The following ROR1 variants were observed in gnomAD, a reference collection of about 807,000 sequenced individuals.
ROR1 encodes the protein inactive tyrosine-protein kinase transmembrane receptor ROR1.
ROR1 carries 19 observed loss-of-function variants against 78.8 expected under a neutral mutation model. The ratio of observed to expected loss-of-function variants is 0.24; its 90% CI spans 0.17 to 0.35. The LOEUF is 0.35. Among genes scored for constraint, ROR1 ranks in the 10% least tolerant of loss-of-function variants. ROR1 has a pLI of 1.00. For synonymous variants in ROR1, 386 were observed against 433.6 expected (o/e 0.89, Z 1.36); for missense variants, 917 against 1,177.8 (o/e 0.78, Z 3.24).
At chr1:64,062,204 C>CAA (rs1646922916) in intron 4 of ROR1, among the ~76,000 whole-genome samples, 4 of 152,204 alleles carry the variant, frequency 2.6e-5, no homozygotes, top group African/African-American at 9.7e-5. Flanking sequence ...TGTTGGGTGA[C>CAA]TGCCTGTGTT....
chr1:63,841,474 A>G (rs1645049007), intron 1 of ROR1, among the ~76,000 whole-genome samples: 1 of 152,190 alleles, frequency 6.6e-6, no homozygotes, highest in African/African-American at 2.4e-5. Flanking sequence ...AAAACCAACA[A>G]TATTGCTTTT....
At chr1:63,788,899 G>T in intron 1 of ROR1, 3 of 880,890 alleles carry the variant, frequency 3.4e-6, no homozygotes, top group Non-Finnish European at 5.5e-6. Flanking sequence ...CATGAGAATC[G>T]CTTGTTTTTG....
intron 1 of ROR1, among the ~76,000 whole-genome samples, chr1:63,949,949 C>CAAG (rs1262426580): frequency 6.6e-6 from 1 of 152,102 alleles, no homozygotes; most frequent in Non-Finnish European, 1.5e-5. Flanking sequence ...GTCCAGTTGT[C>CAAG]TTGACCTTCG....
At chr1:63,834,373 G>C (rs1645007401) in intron 1 of ROR1, among the ~76,000 whole-genome samples, 1 of 152,072 alleles carries the variant, frequency 6.6e-6, no homozygotes, top group Non-Finnish European at 1.5e-5. Context: ...GGATGTATAA[G>C]ATTCCAGGTT....
intron 7 of ROR1, among the ~76,000 whole-genome samples, chr1:64,156,730 G>A (rs1355555838): frequency 2.0e-5 from 3 of 151,068 alleles, no homozygotes; most frequent in African/African-American, 4.9e-5. Context: ...AAAAAAAGCA[G>A]GGATTTCAAA....
chr1:63,829,395 T>G (rs1462993472), intron 1 of ROR1, among the ~76,000 whole-genome samples: 1 of 152,258 alleles, frequency 6.6e-6, no homozygotes, highest in East Asian at 1.9e-4. Context: ...ATAGGGATAG[T>G]GTGATAGGGA....
intron 4 of ROR1, among the ~76,000 whole-genome samples, chr1:64,064,716 G>C (rs950598372): frequency 3.9e-5 from 6 of 152,146 alleles, no homozygotes; most frequent in Admixed American, 3.3e-4. Context: ...GTGGAACTGA[G>C]GCCTGGAGCA....
intron 7 of ROR1, among the ~76,000 whole-genome samples, chr1:64,145,127 A>C (rs559023477): frequency 6.6e-6 from 1 of 152,304 alleles, no homozygotes; most frequent in South Asian, 2.1e-4. Context: ...CATAGTCAAC[A>C]TATGTAAATA....
chr1:64,121,038 A>G (rs1390759929), intron 4 of ROR1, among the ~76,000 whole-genome samples: 2 of 109,706 alleles, frequency 1.8e-5, no homozygotes, highest in Admixed American at 1.1e-4. Flanking sequence ...TCATGGCCAC[A>G]CTCCAGTCAG....
At chr1:63,863,753 ATT>A (rs1645196975) in intron 1 of ROR1, among the ~76,000 whole-genome samples, 1 of 147,708 alleles carries the variant, frequency 6.8e-6, no homozygotes. Context: ...ATTGTATTGT[ATT>A]GTATTGTATT....
intron 1 of ROR1, among the ~76,000 whole-genome samples, chr1:63,991,465 CTTAGTTTGCCTGT>C (rs1196323214): frequency 6.6e-6 from 1 of 152,208 alleles, no homozygotes; most frequent in Non-Finnish European, 1.5e-5. Context: ...GTGGTCCCTT[CTTAGTTTGCCTGT>C]TTGCCATATA....
intron 1 of ROR1, among the ~76,000 whole-genome samples, chr1:63,800,605 A>G (rs1389566750): frequency 1.3e-5 from 2 of 152,178 alleles, no homozygotes; most frequent in Non-Finnish European, 2.9e-5. Context: ...CAATGATTGG[A>G]TGTGCTGCAG....
intron 1 of ROR1, among the ~76,000 whole-genome samples, chr1:63,888,777 G>C (rs1419387194): frequency 6.6e-6 from 1 of 151,998 alleles, no homozygotes; most frequent in Non-Finnish European, 1.5e-5. Flanking sequence ...AATTTTTATA[G>C]CTATCATTTG....
intron 1 of ROR1, chr1:63,789,059 C>T (rs1378636513): frequency 1.1e-5 from 7 of 623,810 alleles, no homozygotes; most frequent in Non-Finnish European, 2.2e-5. Context: ...TGGTTGTACC[C>T]TTTCGCTTAC....
chr1:64,125,655 C>G (rs1362101745), intron 4 of ROR1, among the ~76,000 whole-genome samples: 1 of 152,042 alleles, frequency 6.6e-6, no homozygotes, highest in African/African-American at 2.4e-5. Context: ...CCCGCCAGCC[C>G]CGAAACTAAA....
At chr1:63,908,343 C>T (rs994135968) in intron 1 of ROR1, among the ~76,000 whole-genome samples, 1 of 152,154 alleles carries the variant, frequency 6.6e-6, no homozygotes, top group African/African-American at 2.4e-5. Context: ...AATGCTGGTT[C>T]CTTCATGACC....
At chr1:64,100,010 A>C (rs1364617592) in intron 4 of ROR1, among the ~76,000 whole-genome samples, 1 of 152,196 alleles carries the variant, frequency 6.6e-6, no homozygotes, top group Non-Finnish European at 1.5e-5. Flanking sequence ...AGCCAAGATC[A>C]CACCACTGCA....
At chr1:63,788,817 C>G (rs751703676) in intron 1 of ROR1, 65 of 637,154 alleles carry the variant, frequency 1.0e-4, no homozygotes, top group Non-Finnish European at 1.6e-4. Flanking sequence ...TGGTCTTAGA[C>G]CTCTGGGCCT....
Position 63,774,579 on chromosome 1 carries a change from G to A in ROR1, c.91+71G>A. The A allele has an allele frequency of 2.5e-6, 2 of 800,922 alleles. No homozygotes were observed. The highest frequency in any genetic ancestry group is 3.0e-6 in the Non-Finnish European group (2 of 666,066). 49.6% of individuals were successfully genotyped at this position (800,922 alleles called of 1,614,324 possible). A position where few individuals can be genotyped will look rare whatever the true frequency, so the allele number is the denominator to read the frequency against. Reference sequence around the variant, plus strand: ...GTGGCCACCCTTCCGCCGTCCAGCCGGGCGCGGGACACGCAGGAAGCGCCG... The same window carrying A: ...GTGGCCACCCTTCCGCCGTCCAGCCAGGCGCGGGACACGCAGGAAGCGCCG... On this transcript the variant is annotated intron_variant, in intron 1 of 8. Transcript: ENST00000371079. This position sits in a 1 kb window ranked among gnomAD's most constrained non-coding sequence, Gnocchi z 5.7.
Sources: gnomAD v4.1 joint callset for allele counts (sites outside exome capture counted in the v4.1 genomes callset) on GRCh38, gnomAD v4.1.1 for gene constraint, Gnocchi (gnomAD v3.1) non-coding constraint, MANE v1.5 for transcripts, NCBI Gene and HGNC (gene_info 2026-07-23, HGNC 2026-07-21) for gene names.